Variants in MSRA observed in about 807,000 individuals in gnomAD.
MSRA encodes mitochondrial peptide methionine sulfoxide reductase.
A neutral mutation model predicts 31.3 loss-of-function variants in MSRA; 54 were observed. The ratio of observed to expected loss-of-function variants is 1.73; its 90% CI spans 1.39 to 2.17. The LOEUF is 2.17. MSRA is among the 30% of genes most tolerant of loss of function. The probability of loss-of-function intolerance (pLI) is 0.00; values close to 1 mark genes in which losing one functional copy is unlikely to be tolerated. For missense variants in MSRA, 507 were observed against 300.9 expected, an observed-to-expected ratio of 1.69 and a Z score of -5.07; for synonymous variants, 169 against 116.5, an observed-to-expected ratio of 1.45 and a Z score of -2.90.
At chr8:10,082,426 C>A (rs545829587) in intron 1 of MSRA, among the ~76,000 whole-genome samples, 4 of 152,132 alleles carry the variant, frequency 2.6e-5, no homozygotes, top group Non-Finnish European at 5.9e-5. Flanking sequence ...GCGAAGCTGT[C>A]CACCTTCCTT....
At chr8:10,209,959 C>A (rs547488011) in intron 2 of MSRA, among the ~76,000 whole-genome samples, 78 of 152,324 alleles carry the variant, frequency 5.1e-4, no homozygotes, top group Admixed American at 8.5e-4. Flanking sequence ...CTTCCAGATG[C>A]TTAAATTAAG....
chr8:10,359,316 T>C (rs1461849485), intron 5 of MSRA, among the ~76,000 whole-genome samples: 2 of 152,184 alleles, frequency 1.3e-5, no homozygotes, highest in Non-Finnish European at 2.9e-5. Context: ...AAAAGATACC[T>C]TTTGCACCTC....
chr8:10,171,708 A>G (rs527534135), intron 1 of MSRA, among the ~76,000 whole-genome samples: 2 of 152,336 alleles, frequency 1.3e-5, no homozygotes, highest in East Asian at 1.9e-4. Flanking sequence ...CAACTCAACC[A>G]TGTGTAAACA....
intron 1 of MSRA, among the ~76,000 whole-genome samples, chr8:10,160,807 C>T (rs6986307): frequency 0.2 from 30,188 of 152,082 alleles, 3,447 homozygotes; most frequent in East Asian, 0.47. Flanking sequence ...GGATTACAGG[C>T]ATGAGCCATC....
intron 5 of MSRA, among the ~76,000 whole-genome samples, chr8:10,422,778 G>T (rs1312993233): frequency 6.6e-6 from 1 of 152,192 alleles, no homozygotes; most frequent in African/African-American, 2.4e-5. Flanking sequence ...GCTGGGCCGG[G>T]GCTACCCTAT....
At chr8:10,365,566 T>C (rs968271048) in intron 5 of MSRA, among the ~76,000 whole-genome samples, 2 of 152,198 alleles carry the variant, frequency 1.3e-5, no homozygotes, top group African/African-American at 4.8e-5. Context: ...TTTTCAGCAT[T>C]TTTACCTGAT....
chr8:10,388,360 G>A (rs1413650290), intron 5 of MSRA, among the ~76,000 whole-genome samples: 1 of 152,194 alleles, frequency 6.6e-6, no homozygotes, highest in Non-Finnish European at 1.5e-5. Flanking sequence ...AGAGGGAGAT[G>A]CTCTTAGAAG....
intron 5 of MSRA, among the ~76,000 whole-genome samples, chr8:10,399,600 G>A (rs951616348): frequency 6.6e-6 from 1 of 152,166 alleles, no homozygotes; most frequent in African/African-American, 2.4e-5. Flanking sequence ...TGCTTATATA[G>A]CCAGCAGAAC....
intron 1 of MSRA, among the ~76,000 whole-genome samples, chr8:10,133,821 TTTG>T (rs1464208747): frequency 2.6e-5 from 4 of 152,180 alleles, no homozygotes; most frequent in Middle Eastern, 3.4e-3. Context: ...ATGGTTTTTT[TTTG>T]TTGTTGTTCT....
At chr8:10,195,707 C>A (rs961899832) in intron 1 of MSRA, among the ~76,000 whole-genome samples, 1 of 152,192 alleles carries the variant, frequency 6.6e-6, no homozygotes, top group Non-Finnish European at 1.5e-5. Context: ...AATGATTCCT[C>A]TTTTCTTCTT....
intron 1 of MSRA, among the ~76,000 whole-genome samples, chr8:10,165,867 A>G (rs938018493): frequency 2.0e-5 from 3 of 151,046 alleles, no homozygotes; most frequent in Non-Finnish European, 4.4e-5. Flanking sequence ...GTGTTAAATA[A>G]CTCTGTGAGC....
chr8:10,339,043 T>G (rs1454207666), intron 5 of MSRA, among the ~76,000 whole-genome samples: 1 of 152,218 alleles, frequency 6.6e-6, no homozygotes. Flanking sequence ...TTCTTTTCCA[T>G]TTTTTAATTC....
intron 5 of MSRA, among the ~76,000 whole-genome samples, chr8:10,415,922 T>G (rs182400966): frequency 6.6e-5 from 10 of 152,162 alleles, no homozygotes; most frequent in East Asian, 5.8e-4. Context: ...AAGGACTGTT[T>G]GCACCTCCAT....
chr8:10,136,445 A>T (rs936106401), intron 1 of MSRA, among the ~76,000 whole-genome samples: 1 of 152,208 alleles, frequency 6.6e-6, no homozygotes, highest in Non-Finnish European at 1.5e-5. Flanking sequence ...TCTCGTACGC[A>T]AGAAACAAGT....
chr8:10,076,307 G>T (rs1797993862), intron 1 of MSRA, among the ~76,000 whole-genome samples: 1 of 152,182 alleles, frequency 6.6e-6, no homozygotes, highest in South Asian at 2.1e-4. Flanking sequence ...TTGTAAGAGT[G>T]ACTGATGGCT....
intron 5 of MSRA, among the ~76,000 whole-genome samples, chr8:10,374,457 A>G (rs1219843780): frequency 6.6e-6 from 1 of 152,192 alleles, no homozygotes; most frequent in Non-Finnish European, 1.5e-5. Context: ...GAGTCCCGCA[A>G]GAACACTATG....
chr8:10,292,065 C>G (rs1471652261), intron 3 of MSRA, among the ~76,000 whole-genome samples: 2 of 152,148 alleles, frequency 1.3e-5, no homozygotes, highest in Non-Finnish European at 2.9e-5. Flanking sequence ...GTAAAGTATT[C>G]TAGTCGCATT....
intron 1 of MSRA, among the ~76,000 whole-genome samples, chr8:10,176,662 C>G (rs1183250209): frequency 6.6e-6 from 1 of 152,172 alleles, no homozygotes; most frequent in South Asian, 2.1e-4. Context: ...AGAAATTTGA[C>G]CCAAGATACT....
intron 1 of MSRA, among the ~76,000 whole-genome samples, chr8:10,178,257 C>T (rs529950121): frequency 1.3e-5 from 2 of 152,160 alleles, no homozygotes; most frequent in East Asian, 1.9e-4. Flanking sequence ...GTTTACCATA[C>T]TCTGACAGTA....
Sources: gnomAD v4.1 joint callset for allele counts (sites outside exome capture counted in the v4.1 genomes callset) on GRCh38, gnomAD v4.1.1 for gene constraint, MANE v1.5 for transcripts, NCBI Gene and HGNC (gene_info 2026-07-23, HGNC 2026-07-21) for gene names.